EXOC6: variants seen among roughly 807,000 people sequenced by gnomAD.
EXOC6 encodes the protein exocyst complex component 6.
A neutral mutation model predicts 112.5 loss-of-function variants in EXOC6; 60 were observed. The ratio of observed to expected loss-of-function variants is 0.53; its 90% CI spans 0.43 to 0.66. EXOC6 has a LOEUF of 0.66. EXOC6 is among the 30% of genes least tolerant of loss of function. The probability of loss-of-function intolerance (pLI) is 0.00; values close to 1 mark genes in which losing one functional copy is unlikely to be tolerated. For synonymous variants in EXOC6, 295 were observed against 308.0 expected (o/e 0.96, Z 0.44); for missense variants, 855 against 957.1 (o/e 0.89, Z 1.41).
At chr10:93,019,299 C>A (rs926577305) in intron 20 of EXOC6, among the ~76,000 whole-genome samples, 1 of 152,038 alleles carries the variant, frequency 6.6e-6, no homozygotes, top group Middle Eastern at 3.2e-3. Context: ...TTTTTGTTGA[C>A]TTTTTATTTA....
chr10:92,954,797 A>G, intron 16 of EXOC6, 56 bp downstream of exon 16: 1 of 764,310 alleles, frequency 1.3e-6, no homozygotes, highest in Non-Finnish European at 2.2e-6. Context: ...CAATTATTTT[A>G]AATTATTGCT....
intron 19 of EXOC6, among the ~76,000 whole-genome samples, chr10:93,010,846 T>G (rs1288514479): frequency 6.6e-6 from 1 of 152,152 alleles, no homozygotes; most frequent in East Asian, 1.9e-4. Flanking sequence ...AGTAAGTTAT[T>G]GTGATGCTCA....
intron 1 of EXOC6, among the ~76,000 whole-genome samples, chr10:92,869,584 G>A (rs1589733176): frequency 6.6e-6 from 1 of 152,208 alleles, no homozygotes; most frequent in African/African-American, 2.4e-5. Context: ...TATTGGGATT[G>A]TAGATGTGAG....
chr10:92,927,557 G>C (rs1453344527), intron 8 of EXOC6, among the ~76,000 whole-genome samples: 1 of 152,200 alleles, frequency 6.6e-6, no homozygotes, highest in Non-Finnish European at 1.5e-5. Context: ...GTCTCATTCA[G>C]ATTGGCCACA....
chr10:92,952,250 A>G (rs762689846), intron 14 of EXOC6, 23 bp from the exon 15 acceptor site: 25 of 1,466,042 alleles, frequency 1.7e-5, no homozygotes, highest in Non-Finnish European at 2.4e-5. Flanking sequence ...TTCAAAAACA[A>G]TATTAACTTT....
intron 1 of EXOC6, among the ~76,000 whole-genome samples, chr10:92,829,544 C>T (rs1846439590): frequency 6.6e-6 from 1 of 152,320 alleles, no homozygotes; most frequent in Non-Finnish European, 1.5e-5. Context: ...CCTGCCTTGT[C>T]CCCAGTTTCC....
intron 17 of EXOC6, among the ~76,000 whole-genome samples, chr10:92,958,307 A>G (rs1337661746): frequency 6.6e-6 from 1 of 152,144 alleles, no homozygotes; most frequent in East Asian, 1.9e-4. Context: ...TTCCCTTTCT[A>G]ACTTGTGTGG....
At chr10:92,903,879 A>G (rs1043385418) in intron 5 of EXOC6, among the ~76,000 whole-genome samples, 2 of 152,066 alleles carry the variant, frequency 1.3e-5, no homozygotes, top group Non-Finnish European at 2.9e-5. Flanking sequence ...TTTGGCAAAC[A>G]TATATCATGT....
At chr10:92,932,148 A>G (rs1415847859) in intron 9 of EXOC6, among the ~76,000 whole-genome samples, 1 of 152,196 alleles carries the variant, frequency 6.6e-6, no homozygotes, top group African/African-American at 2.4e-5. Context: ...ATGCAGTGAT[A>G]TGGATGAATC....
intron 1 of EXOC6, among the ~76,000 whole-genome samples, chr10:92,859,618 A>T (rs919151700): frequency 4.6e-5 from 7 of 152,200 alleles, no homozygotes; most frequent in Non-Finnish European, 1.0e-4. Context: ...GGAAAATAGG[A>T]TAGGCAGAGA....
At chr10:92,981,973 G>A (rs922809279) in intron 18 of EXOC6, among the ~76,000 whole-genome samples, 2 of 152,034 alleles carry the variant, frequency 1.3e-5, no homozygotes, top group Non-Finnish European at 2.9e-5. Flanking sequence ...AACATTAGCC[G>A]GGCAGGGTGG....
intron 5 of EXOC6, chr10:92,899,851 T>G (rs946381392): frequency 2.2e-6 from 1 of 448,226 alleles, no homozygotes; most frequent in Non-Finnish European, 4.0e-6. Context: ...ATAAATGATA[T>G]CAAGGATTGG....
intron 20 of EXOC6, among the ~76,000 whole-genome samples, chr10:93,026,779 G>T (rs560106458): frequency 6.6e-6 from 1 of 152,242 alleles, no homozygotes; most frequent in East Asian, 1.9e-4. Context: ...TGTTCTGACT[G>T]CTCTACCAAC....
chr10:92,958,965 G>T (rs1299482667), intron 17 of EXOC6, among the ~76,000 whole-genome samples: 2 of 151,964 alleles, frequency 1.3e-5, no homozygotes, highest in Non-Finnish European at 2.9e-5. Flanking sequence ...GTGGTGGTGC[G>T]CACATGTAAT....
chr10:92,828,691 TGTGTGTG>T (rs1326885968), intron 1 of EXOC6, among the ~76,000 whole-genome samples: 6 of 452 alleles, frequency 0.013, no homozygotes, highest in Non-Finnish European at 0.12. Context: ...TTTGTGTGTC[TGTGTGTG>T]TGTGTGTGTG....
chr10:92,990,458 G>A (rs896847294), intron 18 of EXOC6, among the ~76,000 whole-genome samples: 1 of 152,120 alleles, frequency 6.6e-6, no homozygotes, highest in Non-Finnish European at 1.5e-5. Flanking sequence ...GCTTTTAAAA[G>A]GAAACAACAC....
chr10:92,930,781 A>G (rs1288831318), intron 9 of EXOC6, among the ~76,000 whole-genome samples: 1 of 152,112 alleles, frequency 6.6e-6, no homozygotes, highest in Admixed American at 6.5e-5. Context: ...AAAATAGATG[A>G]TTTGAACATC....
At chr10:92,855,950 C>T (rs779240815) in intron 1 of EXOC6, among the ~76,000 whole-genome samples, 5 of 152,122 alleles carry the variant, frequency 3.3e-5, no homozygotes, top group East Asian at 3.9e-4. Flanking sequence ...CTGCAACCTC[C>T]GCCTCCTGGG....
chr10:93,013,280 A>AT (rs913705950), intron 19 of EXOC6, among the ~76,000 whole-genome samples: 1 of 151,454 alleles, frequency 6.6e-6, no homozygotes, highest in South Asian at 2.1e-4. Flanking sequence ...TCTCGTTGAG[A>AT]TTTTTTTTTA....
Sources: allele counts gnomAD v4.1 joint callset (sites outside exome capture counted in the v4.1 genomes callset), GRCh38; gene constraint gnomAD v4.1.1; transcripts MANE v1.5; gene names NCBI Gene and HGNC (gene_info 2026-07-23, HGNC 2026-07-21).